ANKS1B: variants seen among roughly 807,000 people sequenced by gnomAD.
ANKS1B encodes the protein ankyrin repeat and sterile alpha motif domain containing 1B, also known as ankyrin repeat and sterile alpha motif domain-containing protein 1B.
In ANKS1B, 36 loss-of-function variants were observed where a neutral mutation model predicts 148.3. The observed-to-expected ratio is 0.24, with a 90% CI of 0.19 to 0.32. ANKS1B has a LOEUF of 0.32. ANKS1B is among the 10% of genes least tolerant of loss of function. ANKS1B has a pLI of 1.00. For synonymous variants in ANKS1B, 542 were observed against 560.8 expected (o/e 0.97, Z 0.47); for missense variants, 1,157 against 1,542.6 (o/e 0.75, Z 4.19).
chr12:99,505,090 T>C (rs1443749793), intron 9 of ANKS1B, among the ~76,000 whole-genome samples: 2 of 151,988 alleles, frequency 1.3e-5, no homozygotes, highest in Admixed American at 1.3e-4. Flanking sequence ...AAGAAGCATA[T>C]AAGGAGGCTC....
At chr12:98,941,844 G>A (rs1241508629) in intron 17 of ANKS1B, among the ~76,000 whole-genome samples, 1 of 152,124 alleles carries the variant, frequency 6.6e-6, no homozygotes, top group Non-Finnish European at 1.5e-5. Context: ...TATAGAGAAA[G>A]GGTAGCAAAA....
At chr12:99,634,606 A>C (rs142377279) in intron 9 of ANKS1B, among the ~76,000 whole-genome samples, 35 of 152,292 alleles carry the variant, frequency 2.3e-4, no homozygotes, top group African/African-American at 7.5e-4. Context: ...TATCCTAAAT[A>C]ATCTCTAAAT....
intron 8 of ANKS1B, among the ~76,000 whole-genome samples, chr12:99,678,943 C>T (rs535535267): frequency 6.6e-6 from 1 of 152,178 alleles, no homozygotes; most frequent in African/African-American, 2.4e-5. Flanking sequence ...GAAAAATGTA[C>T]TATAATCTCT....
intron 10 of ANKS1B, among the ~76,000 whole-genome samples, chr12:99,463,628 A>C (rs1595296847): frequency 6.6e-6 from 1 of 152,220 alleles, no homozygotes; most frequent in East Asian, 1.9e-4. Context: ...ACGGTGCACC[A>C]GGAGATTATA....
In ANKS1B at chr12:98,975,658, G is replaced by T. The variant is rs181440448; in HGVS notation, c.2778+77499C>A. Among the ~76,000 whole-genome samples the T allele has an allele frequency of 5.7e-4, 87 of 151,670 alleles. 1 individual carries two copies. The East Asian group carries it at 7.3e-3, about 13-fold the overall frequency. On this transcript the variant is annotated intron_variant, in intron 17 of 26. Coordinates refer to ENST00000683438, the MANE Select transcript of ANKS1B (RefSeq NM_001352186.2). ...GAGCATTTTTGTTTGGTTTTTTTTT[G>T]TTGTTTTATATAGAATGGTCACAGG...
intron 14 of ANKS1B, among the ~76,000 whole-genome samples, chr12:99,159,343 C>G (rs1014791461): frequency 6.6e-6 from 1 of 152,040 alleles, no homozygotes; most frequent in Admixed American, 6.6e-5. Flanking sequence ...CAGCACAGTA[C>G]CCAATAGTTA....
chr12:99,361,328 A>G (rs2092445033), intron 12 of ANKS1B, among the ~76,000 whole-genome samples: 2 of 152,172 alleles, frequency 1.3e-5, no homozygotes, highest in African/African-American at 2.4e-5. Context: ...AAGTTGACGA[A>G]TCAAGTACTA....
At chr12:98,849,935 T>A (rs2099512924) in intron 17 of ANKS1B, among the ~76,000 whole-genome samples, 1 of 152,234 alleles carries the variant, frequency 6.6e-6, no homozygotes, top group African/African-American at 2.4e-5. Flanking sequence ...TAGATGTATG[T>A]CTTTGGTTAA....
At chr12:99,969,911 C>G (rs2095537320) in intron 1 of ANKS1B, among the ~76,000 whole-genome samples, 1 of 152,074 alleles carries the variant, frequency 6.6e-6, no homozygotes, top group South Asian at 2.1e-4. Context: ...TTTTTCTAAC[C>G]TTTTCACCCA....
intron 12 of ANKS1B, among the ~76,000 whole-genome samples, chr12:99,269,646 C>T (rs538798298): frequency 5.3e-5 from 8 of 152,274 alleles, no homozygotes; most frequent in South Asian, 2.1e-4. Context: ...GCAAGCTCCG[C>T]GTCCCGGGTT....
intron 17 of ANKS1B, among the ~76,000 whole-genome samples, chr12:98,910,035 G>C (rs1046624770): frequency 6.6e-6 from 1 of 152,228 alleles, no homozygotes; most frequent in African/African-American, 2.4e-5. Context: ...GCCACAGTTA[G>C]CTGGGAAGGT....
At chr12:99,112,150 G>T (rs751196265) in intron 15 of ANKS1B, among the ~76,000 whole-genome samples, 16 of 152,068 alleles carry the variant, frequency 1.1e-4, no homozygotes, top group Non-Finnish European at 8.8e-5. Context: ...GCTGTGTAAG[G>T]TGGCAAAAGC....
At position 98,751,280 on chromosome 12, in the gene ANKS1B, A is replaced by G; in HGVS notation, c.3747+75T>C. On this transcript the variant is annotated intron_variant, in intron 26 of 26. Transcript: ENST00000683438. The surrounding 1 kb of genome is among the most constrained non-coding windows in gnomAD (Gnocchi z 4.3). Reference sequence around the variant, plus strand: ...CCTGGGTTCTAATGGCACCCACACCACACAAGGGCCTGGTTAGCAGCCCCT... The same window carrying G: ...CCTGGGTTCTAATGGCACCCACACCGCACAAGGGCCTGGTTAGCAGCCCCT... 1 of 1,488,762 alleles carries G rather than the reference A, an allele frequency of 6.7e-7. No homozygotes were observed. Among genetic ancestry groups the G allele is most frequent in the Non-Finnish European group, 9.1e-7 (1 of 1,099,372 alleles). 92.2% of individuals were successfully genotyped at this position (1,488,762 alleles called of 1,614,324 possible).
intron 17 of ANKS1B, among the ~76,000 whole-genome samples, chr12:98,938,329 C>CAAAA (rs1440255966): frequency 3.9e-5 from 6 of 152,120 alleles, no homozygotes; most frequent in Admixed American, 3.9e-4. Context: ...GTGACGTGAG[C>CAAAA]AAAACAATCC....
chr12:99,015,758 C>T (rs1442949167), intron 17 of ANKS1B, among the ~76,000 whole-genome samples: 1 of 151,988 alleles, frequency 6.6e-6, no homozygotes. Flanking sequence ...TCCAGCTACT[C>T]GGGAGGCTGA....
At chr12:99,614,559 GA>G (rs72275344) in intron 9 of ANKS1B, among the ~76,000 whole-genome samples, 32,814 of 146,850 alleles carry the variant, frequency 0.22, 3,922 homozygotes, top group Non-Finnish European at 0.27. Flanking sequence ...TAACAGCAAA[GA>G]AAAAAAAAAA....
At chr12:99,109,279 T>G (rs2059824291) in intron 15 of ANKS1B, among the ~76,000 whole-genome samples, 1 of 152,226 alleles carries the variant, frequency 6.6e-6, no homozygotes, top group Non-Finnish European at 1.5e-5. Context: ...CAATTCCTAT[T>G]GTGGGCTTAG....
intron 25 of ANKS1B, among the ~76,000 whole-genome samples, chr12:98,763,894 C>A (rs186633294): frequency 6.6e-6 from 1 of 152,168 alleles, no homozygotes; most frequent in Non-Finnish European, 1.5e-5. Context: ...TGCCTCACCC[C>A]AAGTATAGGA....
chr12:98,794,813 T>G, intron 22 of ANKS1B: 2 of 1,572,496 alleles, frequency 1.3e-6, no homozygotes, highest in South Asian at 2.2e-5. Context: ...ATGAACAGAT[T>G]GAAGAAAAAT....
Sources: allele counts gnomAD v4.1 joint callset (sites outside exome capture counted in the v4.1 genomes callset), GRCh38; gene constraint gnomAD v4.1.1; non-coding constraint Gnocchi (gnomAD v3.1); transcripts MANE v1.5; gene names NCBI Gene and HGNC (gene_info 2026-07-23, HGNC 2026-07-21).